IFT74: variants seen among roughly 807,000 people sequenced by gnomAD.
IFT74 encodes the protein intraflagellar transport protein 74 homolog.
Under a neutral mutation model 96.7 loss-of-function variants are expected in IFT74, and 92 were observed. The ratio of observed to expected loss-of-function variants is 0.95; its 90% CI spans 0.80 to 1.13. The LOEUF (loss-of-function observed/expected upper bound fraction) is 1.13, where lower values mean the gene tolerates loss of function less well. IFT74 is among the 50% of genes most tolerant of loss of function. IFT74 has a pLI of 0.00. For synonymous variants in IFT74, 223 were observed against 213.2 expected, an observed-to-expected ratio of 1.05 and a Z score of -0.40; for missense variants, 811 against 698.2, an observed-to-expected ratio of 1.16 and a Z score of -1.82.
At chr9:27,021,566 C>A (rs1829603971) in intron 12 of IFT74, among the ~76,000 whole-genome samples, 1 of 152,108 alleles carries the variant, frequency 6.6e-6, no homozygotes, top group South Asian at 2.1e-4. Context: ...TTTTGATTTG[C>A]ATTTCCCTGA....
In IFT74 at chr9:27,055,710, A is replaced by T. The variant is rs539904016; in HGVS notation, c.1435A>T (p.Thr479Ser). 2.1e-5 allele frequency: 34 copies of T among 1,594,012 alleles called. No homozygotes were observed. Among genetic ancestry groups the T allele is most frequent in the Middle Eastern group, 1.7e-4 (1 of 6,030 alleles). Residue 479 changes from threonine to serine, a missense_variant, in exon 17 of 20, where the codon ACT (threonine) becomes TCT (serine). Physicochemically the swap from Thr to Ser is moderately conservative, Grantham distance 58. Transcript: ENST00000380062. Reference sequence around the variant, plus strand: ...AAAAAGCAAAATTAAGCAAATGACAACTGATCTGGAGATATATAATGATTT... The same window carrying T: ...AAAAAGCAAAATTAAGCAAATGACATCTGATCTGGAGATATATAATGATTT... ...SLKSKIKQMT[T>S]DLEIYNDLPA...
chr9:27,035,577 C>T (rs1408576522), intron 13 of IFT74, among the ~76,000 whole-genome samples: 3 of 152,134 alleles, frequency 2.0e-5, no homozygotes, highest in South Asian at 2.1e-4. Flanking sequence ...TTCAGTAAGT[C>T]CTCCTGGTGA....
chr9:26,976,166 T>C (rs1827116100), intron 2 of IFT74, among the ~76,000 whole-genome samples: 1 of 152,202 alleles, frequency 6.6e-6, no homozygotes, highest in East Asian at 1.9e-4. Context: ...CAGTCTCCCA[T>C]CCCTGAGGCC....
intron 12 of IFT74, among the ~76,000 whole-genome samples, chr9:27,025,352 A>C (rs549306996): frequency 1.3e-5 from 2 of 151,948 alleles, no homozygotes; most frequent in South Asian, 4.2e-4. Context: ...CTAAGGCAGA[A>C]AAATCACTTG....
At chr9:27,007,816 A>G (rs2131598412) in intron 8 of IFT74, among the ~76,000 whole-genome samples, 1 of 152,372 alleles carries the variant, frequency 6.6e-6, no homozygotes, top group Middle Eastern at 3.4e-3. Context: ...CTCAAAATAG[A>G]AATTAATGAT....
chr9:27,049,398 C>T (rs1255359778), intron 16 of IFT74, among the ~76,000 whole-genome samples: 2 of 152,136 alleles, frequency 1.3e-5, no homozygotes, highest in African/African-American at 2.4e-5. Context: ...CGGCCTTGAG[C>T]TTTGTCTGGC....
chr9:26,985,689 A>G (rs144357693), intron 6 of IFT74, among the ~76,000 whole-genome samples: 15 of 152,270 alleles, frequency 9.9e-5, no homozygotes, highest in African/African-American at 3.6e-4. Flanking sequence ...TGACACATAC[A>G]CAAATGCACA....
intron 13 of IFT74, among the ~76,000 whole-genome samples, chr9:27,037,696 A>C (rs1410050912): frequency 1.3e-5 from 2 of 152,230 alleles, no homozygotes; most frequent in African/African-American, 4.8e-5. Context: ...TACATGGTCA[A>C]GCCAGGTCTT....
chr9:26,955,211 A>G (rs1309902834), upstream of IFT74, among the ~76,000 whole-genome samples: 2 of 152,174 alleles, frequency 1.3e-5, no homozygotes, highest in Non-Finnish European at 2.9e-5. Flanking sequence ...CTGAAGAAAC[A>G]AGCTAGAGGT....
chr9:27,038,303 C>T (rs1327237232), intron 13 of IFT74, among the ~76,000 whole-genome samples: 1 of 152,142 alleles, frequency 6.6e-6, no homozygotes, highest in African/African-American at 2.4e-5. Flanking sequence ...CACTCTGTCA[C>T]CCAGGCTGGA....
intron 6 of IFT74, among the ~76,000 whole-genome samples, chr9:26,987,848 C>G (rs1013860592): frequency 6.6e-6 from 1 of 152,156 alleles, no homozygotes; most frequent in African/African-American, 2.4e-5. Context: ...AGTAGACTTA[C>G]TACTGTTCCA....
At chr9:27,013,198 C>T (rs368998653) in intron 10 of IFT74, among the ~76,000 whole-genome samples, 2 of 152,176 alleles carry the variant, frequency 1.3e-5, no homozygotes, top group Admixed American at 6.5e-5. Flanking sequence ...GGGGTTCCTA[C>T]GTGCTATGCT....
chr9:27,060,628 A>G lies in IFT74; in HGVS notation c.1661A>G (p.Gln554Arg), dbSNP rs1204044146. The change falls in exon 19 of 20, where the codon CAA becomes CGA. Residue 554 changes from glutamine to arginine, a missense_variant. By Grantham distance (43) the Gln-to-Arg change is conservative. Transcript: ENST00000380062. ...NLERKWQHLE[Q>R]NNFAMKEFIA... ...GAGAGAAAGTGGCAACACCTTGAGC[A>G]AAATAATTTTGCGATGAAAGAATGT... 2 of 1,600,846 alleles carry G rather than the reference A, an allele frequency of 1.2e-6. No individual in the cohort carries two copies. Among genetic ancestry groups the G allele is most frequent in the Non-Finnish European group, 1.7e-6 (2 of 1,171,938 alleles).
At chr9:26,957,557 A>G (rs1268491455) in intron 1 of IFT74, among the ~76,000 whole-genome samples, 1 of 152,208 alleles carries the variant, frequency 6.6e-6, no homozygotes, top group Admixed American at 6.5e-5. Context: ...AGATATCTGA[A>G]TGGAAATTTC....
intron 2 of IFT74, among the ~76,000 whole-genome samples, chr9:26,973,250 T>C (rs935935240): frequency 5.3e-5 from 8 of 152,194 alleles, no homozygotes; most frequent in African/African-American, 1.9e-4. Context: ...ACTATCTGGT[T>C]AATAGCTCTG....
At chr9:27,055,168 A>G (rs537933734) in intron 16 of IFT74, among the ~76,000 whole-genome samples, 1 of 152,318 alleles carries the variant, frequency 6.6e-6, no homozygotes, top group East Asian at 1.9e-4. Context: ...ACTTCATAGG[A>G]CATAACTACC....
intron 8 of IFT74, among the ~76,000 whole-genome samples, chr9:26,990,983 G>T (rs1041474699): frequency 6.6e-6 from 1 of 152,164 alleles, no homozygotes; most frequent in African/African-American, 2.4e-5. Flanking sequence ...GAGCTATGTT[G>T]TGTAAACACA....
At chr9:27,016,720 G>A (rs989940653) in intron 10 of IFT74, among the ~76,000 whole-genome samples, 187 bp from the exon 11 acceptor site, 9 of 152,050 alleles carry the variant, frequency 5.9e-5, no homozygotes, top group Admixed American at 4.6e-4. Context: ...AAAATAGCAG[G>A]ATTTATTTTT....
intron 2 of IFT74, among the ~76,000 whole-genome samples, chr9:26,965,363 A>G (rs1056544682): frequency 3.3e-5 from 5 of 152,178 alleles, no homozygotes; most frequent in Non-Finnish European, 5.9e-5. Context: ...TGGTTAACTC[A>G]TAAGAAGAGC....
Sources: gnomAD v4.1 joint callset for allele counts (sites outside exome capture counted in the v4.1 genomes callset) on GRCh38, gnomAD v4.1.1 for gene constraint, MANE v1.5 for transcripts, NCBI Gene and HGNC (gene_info 2026-07-23, HGNC 2026-07-21) for gene names.